The following SORCS3 variants were observed in gnomAD, a reference collection of about 807,000 sequenced individuals.
SORCS3 encodes sortilin related VPS10 domain containing receptor 3.
Under a neutral mutation model 146.3 loss-of-function variants are expected in SORCS3, and 57 were observed. The ratio of observed to expected loss-of-function variants is 0.39; its 90% CI spans 0.31 to 0.49. The LOEUF (loss-of-function observed/expected upper bound fraction) is 0.49, where lower values mean the gene tolerates loss of function less well. Ranked by LOEUF, SORCS3 falls within the 20% of genes least tolerant of loss-of-function variation. The probability of loss-of-function intolerance (pLI) is 0.92; values close to 1 mark genes in which losing one functional copy is unlikely to be tolerated. For missense variants in SORCS3, 1,341 were observed against 1,575.5 expected, an observed-to-expected ratio of 0.85 and a Z score of 2.52; for synonymous variants, 653 against 618.5, an observed-to-expected ratio of 1.06 and a Z score of -0.83.
intron 4 of SORCS3, among the ~76,000 whole-genome samples, chr10:105,038,702 C>T (rs2055320832): frequency 6.6e-6 from 1 of 152,008 alleles, no homozygotes; most frequent in South Asian, 2.1e-4. Flanking sequence ...TGGCATATTT[C>T]CTTCTGATAT....
intron 1 of SORCS3, among the ~76,000 whole-genome samples, chr10:104,744,604 A>C (rs2016886247): frequency 6.6e-6 from 1 of 152,214 alleles, no homozygotes; most frequent in African/African-American, 2.4e-5. Context: ...AAGGGGCAGA[A>C]CCAGAGTTTG....
intron 2 of SORCS3, among the ~76,000 whole-genome samples, chr10:104,890,820 C>T (rs901492635): frequency 1.8e-4 from 27 of 152,182 alleles, no homozygotes; most frequent in Middle Eastern, 3.2e-3. Context: ...TCTTCAGTCA[C>T]GACAATTAAA....
chr10:104,880,509 C>G (rs1018683296), intron 2 of SORCS3, among the ~76,000 whole-genome samples: 1 of 152,046 alleles, frequency 6.6e-6, no homozygotes, highest in African/African-American at 2.4e-5. Context: ...TGTTTGATGC[C>G]TAATTATAGG....
At chr10:104,967,430 G>C (rs1033516492) in intron 3 of SORCS3, among the ~76,000 whole-genome samples, 1 of 152,106 alleles carries the variant, frequency 6.6e-6, no homozygotes, top group African/African-American at 2.4e-5. Context: ...ATGTACAATA[G>C]AGTGTTAACT....
At chr10:104,769,957 C>T (rs557582501) in intron 1 of SORCS3, among the ~76,000 whole-genome samples, 57 of 152,120 alleles carry the variant, frequency 3.7e-4, no homozygotes, top group Middle Eastern at 6.8e-3. Context: ...GTTGGCTGCC[C>T]GAGAGCGAAA....
At chr10:105,249,391 T>C (rs958539345) in intron 22 of SORCS3, among the ~76,000 whole-genome samples, 1 of 150,680 alleles carries the variant, frequency 6.6e-6, no homozygotes, top group Non-Finnish European at 1.5e-5. Context: ...TAAAGAGGAG[T>C]TGGGGGACAA....
chr10:104,902,496 C>T (rs1372488241), intron 2 of SORCS3, among the ~76,000 whole-genome samples: 2 of 152,244 alleles, frequency 1.3e-5, no homozygotes, highest in African/African-American at 4.8e-5. Context: ...TTGCTGTCTT[C>T]TCTTTCCAGT....
intron 2 of SORCS3, among the ~76,000 whole-genome samples, chr10:104,905,491 G>A (rs1027974232): frequency 1.3e-5 from 2 of 152,174 alleles, no homozygotes; most frequent in South Asian, 2.1e-4. Flanking sequence ...CAGTCAGAAG[G>A]GAATCTGTCT....
At chr10:105,189,260 A>G (rs1399318360) in intron 14 of SORCS3, among the ~76,000 whole-genome samples, 2 of 152,176 alleles carry the variant, frequency 1.3e-5, no homozygotes, top group East Asian at 3.9e-4. Flanking sequence ...CAAGTGGCTC[A>G]ATGAGCAGCA....
rs2017826737 is a variant in SORCS3, at chr10:104,818,197, C to T, written c.628-24595C>T. Among the ~76,000 whole-genome samples, 7 of 152,270 alleles carry T rather than the reference C, an allele frequency of 4.6e-5. No homozygotes were observed. In the South Asian group the frequency reaches 1.4e-3, roughly 32 times the overall value. ...TTCTTTCTGTAATTCATGTGCTGAGCTGGTGGCAGTTGTTTGTAAATGTGA... is the reference window on the plus strand; with the variant it reads ...TTCTTTCTGTAATTCATGTGCTGAGTTGGTGGCAGTTGTTTGTAAATGTGA... On this transcript the variant is annotated intron_variant, in intron 1 of 26. Coordinates refer to ENST00000369701, the MANE Select transcript of SORCS3 (RefSeq NM_014978.3).
At chr10:104,769,781 G>A (rs1449045677) in intron 1 of SORCS3, among the ~76,000 whole-genome samples, 1 of 152,102 alleles carries the variant, frequency 6.6e-6, no homozygotes, top group East Asian at 1.9e-4. Context: ...GTGCGACCTT[G>A]AATAGGACTT....
chr10:105,063,532 T>C (rs2055501667), intron 5 of SORCS3, among the ~76,000 whole-genome samples: 1 of 152,234 alleles, frequency 6.6e-6, no homozygotes, highest in Non-Finnish European at 1.5e-5. Context: ...CTCTTTTGTA[T>C]ATAACTTCAA....
chr10:105,188,882 G>A (rs966248172), intron 14 of SORCS3, among the ~76,000 whole-genome samples: 1 of 152,176 alleles, frequency 6.6e-6, no homozygotes, highest in African/African-American at 2.4e-5. Context: ...CGGGATTTGT[G>A]GTTACCTAGC....
chr10:104,880,472 C>T (rs1271244837), intron 2 of SORCS3, among the ~76,000 whole-genome samples: 2 of 152,160 alleles, frequency 1.3e-5, no homozygotes, highest in Non-Finnish European at 1.5e-5. Flanking sequence ...GAGTTTATCA[C>T]TGTGGTCTGC....
intron 5 of SORCS3, among the ~76,000 whole-genome samples, chr10:105,084,171 T>C (rs890277735): frequency 2.6e-5 from 4 of 152,240 alleles, no homozygotes; most frequent in Non-Finnish European, 4.4e-5. Context: ...CATAGTGTAC[T>C]CTCAATATCA....
chr10:105,243,100 G>A (rs1446592929), intron 20 of SORCS3, among the ~76,000 whole-genome samples: 1 of 122,314 alleles, frequency 8.2e-6, no homozygotes, highest in African/African-American at 2.9e-5. Context: ...CATTCTGTTG[G>A]GTGTTTAGAG....
chr10:105,171,739 T>C (rs540276005), intron 13 of SORCS3, among the ~76,000 whole-genome samples: 48 of 152,312 alleles, frequency 3.2e-4, no homozygotes, highest in African/African-American at 1.1e-3. Flanking sequence ...GGGAGGAACA[T>C]TGATTCTCAA....
At chr10:105,214,365 A>G (rs201505427) in intron 17 of SORCS3, 77 bp from the exon 18 acceptor site, 194 of 1,432,924 alleles carry the variant, frequency 1.4e-4, no homozygotes, top group Non-Finnish European at 1.7e-4. Flanking sequence ...TTCCCTTTAT[A>G]ACACACACAC....
At chr10:104,918,955 T>C (rs1022679098) in intron 3 of SORCS3, among the ~76,000 whole-genome samples, 2 of 152,242 alleles carry the variant, frequency 1.3e-5, no homozygotes, top group Non-Finnish European at 1.5e-5. Context: ...GAAAATATCA[T>C]AATGATGTTT....
Sources: allele counts gnomAD v4.1 joint callset (sites outside exome capture counted in the v4.1 genomes callset), GRCh38; gene constraint gnomAD v4.1.1; transcripts MANE v1.5; gene names NCBI Gene and HGNC (gene_info 2026-07-23, HGNC 2026-07-21).